Variants in SULT6B1 observed in about 807,000 individuals in gnomAD.
SULT6B1 encodes sulfotransferase 6B1.
SULT6B1 carries 44 observed loss-of-function variants against 37.2 expected under a neutral mutation model. The observed-to-expected ratio is 1.18, with a 90% CI of 0.93 to 1.52. The LOEUF (loss-of-function observed/expected upper bound fraction) is 1.52, where lower values mean the gene tolerates loss of function less well. SULT6B1 is among the 40% of genes most tolerant of loss of function. The pLI, the probability that SULT6B1 is intolerant of heterozygous loss-of-function variation, is 0.00. For synonymous variants in SULT6B1, 140 were observed against 126.0 expected (o/e 1.11, Z -0.74); for missense variants, 450 against 361.0 (o/e 1.25, Z -2.00).
intron 5 of SULT6B1, among the ~76,000 whole-genome samples, chr2:37,174,306 T>A (rs1449401759): frequency 6.7e-6 from 1 of 149,536 alleles, no homozygotes; most frequent in African/African-American, 2.5e-5. Flanking sequence ...CTAATCATGG[T>A]TCACTGCAGC....
At chr2:37,191,641 T>C (rs1160781073), upstream of SULT6B1, among the ~76,000 whole-genome samples, 2 of 152,206 alleles carry the variant, frequency 1.3e-5, no homozygotes, top group Non-Finnish European at 2.9e-5. Context: ...AAGAGTTTTA[T>C]TGAACAATGG....
rs1395867620 is a variant in SULT6B1, at chr2:37,180,889, T to C, written c.403-1305A>G. Reference sequence around the variant, plus strand: ...GCAGAGCAAGACTCCATCTCAACAATAACAACAATAACAAAACTGACTGGG... The same window carrying C: ...GCAGAGCAAGACTCCATCTCAACAACAACAACAATAACAAAACTGACTGGG... On this transcript the variant is annotated intron_variant, in intron 3 of 6. Transcript: ENST00000535679. Among the ~76,000 whole-genome samples, 16 of 152,030 alleles carry C rather than the reference T, an allele frequency of 1.1e-4. 1 individual carries two copies. The East Asian group carries it at 2.9e-3, about 27-fold the overall frequency.
chr2:37,181,064 G>C (rs1181117688), intron 3 of SULT6B1, among the ~76,000 whole-genome samples: 2 of 152,146 alleles, frequency 1.3e-5, no homozygotes, highest in Admixed American at 6.5e-5. Flanking sequence ...TAACATGAAA[G>C]TGGGAGGGAA....
chr2:37,180,488 A>AT (rs1328867797), intron 3 of SULT6B1, among the ~76,000 whole-genome samples: 2 of 152,168 alleles, frequency 1.3e-5, no homozygotes, highest in Non-Finnish European at 2.9e-5. Flanking sequence ...TAACACCTGG[A>AT]TTTTTTCAAC....
At chr2:37,175,659 A>G (rs114524373) in intron 4 of SULT6B1, among the ~76,000 whole-genome samples, 3,628 of 152,326 alleles carry the variant, frequency 0.024, 66 homozygotes, top group Middle Eastern at 0.058. Flanking sequence ...AAACAAAAGA[A>G]ACAAATGAAA....
At chr2:37,177,449 A>AG (rs201207951) in intron 4 of SULT6B1, among the ~76,000 whole-genome samples, 3,536 of 133,198 alleles carry the variant, frequency 0.027, 66 homozygotes, top group Middle Eastern at 0.064. Context: ...AAAGAAAAAA[A>AG]AGAGAAGAAT....
chr2:37,184,843 AC>A (rs1174962282), intron 2 of SULT6B1, among the ~76,000 whole-genome samples: 2 of 152,110 alleles, frequency 1.3e-5, no homozygotes, highest in East Asian at 3.9e-4. Context: ...AAAAAAAAAA[AC>A]AACAAAACTT....
chr2:37,191,519 G>A (rs572330201), upstream of SULT6B1, among the ~76,000 whole-genome samples: 2 of 152,342 alleles, frequency 1.3e-5, no homozygotes, highest in South Asian at 4.1e-4. Flanking sequence ...GGAGGCAGAG[G>A]ATCACAGTGT....
chr2:37,177,663 A>G (rs1572459029), intron 4 of SULT6B1, among the ~76,000 whole-genome samples: 1 of 152,178 alleles, frequency 6.6e-6, no homozygotes, highest in African/African-American at 2.4e-5. Flanking sequence ...TAATGATGAC[A>G]GTTAATGATT....
intron 6 of SULT6B1, among the ~76,000 whole-genome samples, chr2:37,170,748 A>C (rs1163075534): frequency 6.6e-6 from 1 of 151,232 alleles, no homozygotes; most frequent in African/African-American, 2.4e-5. Flanking sequence ...AAAAAAAAAA[A>C]AAAAAAAAAA....
chr2:37,184,110 A>C (rs1676619460), intron 2 of SULT6B1, among the ~76,000 whole-genome samples: 1 of 152,146 alleles, frequency 6.6e-6, no homozygotes, highest in Non-Finnish European at 1.5e-5. Context: ...AATCATATCA[A>C]ATCCATTTTG....
intron 1 of SULT6B1, chr2:37,194,887 T>C (rs868034463): frequency 0.033 from 929 of 28,194 alleles, 30 homozygotes; most frequent in Non-Finnish European, 0.039. Context: ...CTCCCTTCCT[T>C]CCTTCCTTCT....
intron 4 of SULT6B1, 143 bp downstream of exon 4, chr2:37,179,315 T>C (rs1676498683): frequency 9.8e-7 from 1 of 1,021,048 alleles, no homozygotes; most frequent in South Asian, 1.5e-5. Context: ...GAACTAATGG[T>C]GCTATGACCG....
In SULT6B1 at chr2:37,168,027, G is replaced by C; in HGVS notation, c.820C>G (p.Gln274Glu). 1.3e-6 allele frequency: 2 copies of C among 1,597,824 alleles called. No individual in the cohort carries two copies. The highest frequency in any genetic ancestry group is 1.7e-6 in the Non-Finnish European group (2 of 1,176,290). ...GDWKNLFSEIQNQEMDEKFKE... is the reference protein window; with the variant it reads ...GDWKNLFSEIENQEMDEKFKE... ...AATTTTTCATCCATTTCCTGGTTCT[G>C]AATTTCACTGAACAAATTTTTCCAA... The change falls in exon 7 of 7, where the codon CAG (glutamine) becomes GAG (glutamate). Residue 274 changes from glutamine to glutamate, a missense_variant. Gln to Glu is a conservative substitution (Grantham distance 29). Coordinates refer to ENST00000535679, the MANE Select transcript of SULT6B1 (RefSeq NM_001367551.1).
chr2:37,184,901 A>C (rs942631826), intron 2 of SULT6B1, among the ~76,000 whole-genome samples: 1 of 152,212 alleles, frequency 6.6e-6, no homozygotes, highest in African/African-American at 2.4e-5. Context: ...GAAATTTTAA[A>C]AATAAAACGC....
At chr2:37,194,063 TTA>T (rs1676840772) in intron 1 of SULT6B1, among the ~76,000 whole-genome samples, 1 of 152,220 alleles carries the variant, frequency 6.6e-6, no homozygotes, top group African/African-American at 2.4e-5. Flanking sequence ...TACAATTATT[TTA>T]GTCTTTCTTA....
intron 2 of SULT6B1, among the ~76,000 whole-genome samples, chr2:37,185,801 C>G (rs563023892): frequency 6.6e-6 from 1 of 151,284 alleles, no homozygotes; most frequent in East Asian, 1.9e-4. Flanking sequence ...ATGTTAAGCA[C>G]TCTCTTTAGA....
At position 37,183,594 on chromosome 2, in the gene SULT6B1, T is replaced by C. The variant is rs1237168490; in HGVS notation, c.313-80A>G. ...TGTGTTGAATCACTCCTAGGTTTGG[T>C]ATCTAAGTGATAGTTTCTAGCACTA... On this transcript the variant is annotated intron_variant, in intron 2 of 6. Coordinates refer to ENST00000535679, the MANE Select transcript of SULT6B1 (RefSeq NM_001367551.1). The C allele has an allele frequency of 2.8e-6, 3 of 1,074,966 alleles. No homozygotes were observed. The African/African-American group carries it at 4.7e-5, about 17-fold the overall frequency. 66.6% of individuals were successfully genotyped at this position (1,074,966 alleles called of 1,614,324 possible).
At chr2:37,184,438 C>A (rs572483007) in intron 2 of SULT6B1, among the ~76,000 whole-genome samples, 2 of 152,164 alleles carry the variant, frequency 1.3e-5, no homozygotes, top group Non-Finnish European at 2.9e-5. Flanking sequence ...TCTATTTAAT[C>A]TGCCAGGATT....
Sources: gnomAD v4.1 joint callset for allele counts (sites outside exome capture counted in the v4.1 genomes callset) on GRCh38, gnomAD v4.1.1 for gene constraint, MANE v1.5 for transcripts, NCBI Gene and HGNC (gene_info 2026-07-23, HGNC 2026-07-21) for gene names.